The following SCAPER variants were observed in gnomAD, a reference collection of about 807,000 sequenced individuals.
SCAPER encodes the protein S-phase cyclin A associated protein in the ER, also known as S phase cyclin A-associated protein in the endoplasmic reticulum.
In SCAPER, 98 loss-of-function variants were observed where a neutral mutation model predicts 182.2. The ratio of observed to expected loss-of-function variants is 0.54; its 90% CI spans 0.46 to 0.64. SCAPER has a LOEUF of 0.64. SCAPER is among the 30% of genes least tolerant of loss of function. The pLI is 0.00. For missense variants in SCAPER, 1,432 were observed against 1,690.0 expected, an observed-to-expected ratio of 0.85 and a Z score of 2.68; for synonymous variants, 605 against 564.6, an observed-to-expected ratio of 1.07 and a Z score of -1.01.
intron 21 of SCAPER, among the ~76,000 whole-genome samples, chr15:76,637,785 T>C (rs1009564818): frequency 2.7e-5 from 4 of 146,144 alleles, no homozygotes; most frequent in Non-Finnish European, 3.0e-5. Context: ...TGTGTGTGTG[T>C]GTGTGTGTGT....
intron 23 of SCAPER, among the ~76,000 whole-genome samples, chr15:76,562,482 C>T (rs1406179907): frequency 6.6e-6 from 1 of 152,058 alleles, no homozygotes; most frequent in Admixed American, 6.6e-5. Context: ...AGGCATGTCA[C>T]AAAAGAAGAA....
At chr15:76,653,060 G>C (rs1246052598) in intron 21 of SCAPER, among the ~76,000 whole-genome samples, 5 of 152,124 alleles carry the variant, frequency 3.3e-5, no homozygotes, top group Non-Finnish European at 7.3e-5. Context: ...GAAATCAGTA[G>C]CATTGCTAAC....
intron 1 of SCAPER, among the ~76,000 whole-genome samples, chr15:76,891,958 C>T (rs541742100): frequency 1.2e-4 from 19 of 152,190 alleles, no homozygotes; most frequent in South Asian, 4.1e-4. Flanking sequence ...CAAAACAGCA[C>T]GGTACTGGTA....
intron 23 of SCAPER, among the ~76,000 whole-genome samples, chr15:76,573,741 T>G (rs758705361): frequency 2.6e-5 from 4 of 152,172 alleles, no homozygotes; most frequent in Non-Finnish European, 5.9e-5. Flanking sequence ...TTAATGATTC[T>G]AAGTCATTAA....
intron 21 of SCAPER, among the ~76,000 whole-genome samples, chr15:76,622,764 C>A (rs1049847873): frequency 2.6e-4 from 39 of 152,170 alleles, no homozygotes; most frequent in African/African-American, 9.2e-4. Context: ...GGCTGCTGTA[C>A]ATTCAATAAT....
intron 24 of SCAPER, among the ~76,000 whole-genome samples, chr15:76,487,322 G>C (rs988073803): frequency 1.1e-5 from 1 of 95,134 alleles, no homozygotes; most frequent in Non-Finnish European, 1.9e-5. Context: ...ATGTTCCCCT[G>C]AACTTAAAAG....
intron 27 of SCAPER, among the ~76,000 whole-genome samples, chr15:76,396,396 C>G (rs2044060090): frequency 6.6e-6 from 1 of 152,134 alleles, no homozygotes; most frequent in Admixed American, 6.5e-5. Flanking sequence ...TGCATGGACT[C>G]TGACGATTGC....
At chr15:76,527,827 AT>A (rs1365739316) in intron 23 of SCAPER, among the ~76,000 whole-genome samples, 1 of 152,126 alleles carries the variant, frequency 6.6e-6, no homozygotes, top group Non-Finnish European at 1.5e-5. Flanking sequence ...TCTGTTTAAA[AT>A]TTTTTTATTT....
At chr15:76,562,148 CAAAAAAA>C (rs66722088) in intron 23 of SCAPER, among the ~76,000 whole-genome samples, 3 of 74,030 alleles carry the variant, frequency 4.1e-5, no homozygotes, top group African/African-American at 5.2e-5. Context: ...AACTTCATCT[CAAAAAAA>C]AAAAAAAAAA....
chr15:76,463,979 C>T (rs1235136547), intron 25 of SCAPER, among the ~76,000 whole-genome samples: 1 of 146,944 alleles, frequency 6.8e-6, no homozygotes. Flanking sequence ...CATCTATTTT[C>T]ACAGCACTCA....
At chr15:76,774,802 T>C in intron 9 of SCAPER, 53 bp downstream of exon 9, 2 of 1,531,080 alleles carry the variant, frequency 1.3e-6, no homozygotes, top group South Asian at 1.3e-5. Context: ...CCAGTACACA[T>C]GTACACATAC....
At chr15:76,471,512 TTTCACCCAAAGCCCAGTG>T (rs1203093584) in intron 24 of SCAPER, among the ~76,000 whole-genome samples, 177 bp from the exon 25 acceptor site, 4 of 152,154 alleles carry the variant, frequency 2.6e-5, no homozygotes, top group African/African-American at 9.7e-5. Context: ...AGCTTATAAT[TTTCACCCAAAGCCCAGTG>T]TTCACTGGTA....
rs116352355 is a variant in SCAPER, at chr15:76,736,379, C to T, written c.1867-2995G>A. 5.4e-3 allele frequency among the ~76,000 whole-genome samples: 819 copies of T among 152,192 alleles called. 6 individuals carry two copies. Among genetic ancestry groups the T allele is most frequent in the African/African-American group, 0.019 (792 of 41,510 alleles). On this transcript the variant is annotated intron_variant, in intron 15 of 31. Coordinates refer to ENST00000563290, the MANE Select transcript of SCAPER (RefSeq NM_020843.4). ...GCAATTTCTTAAAATAGGACAACAA[C>T]GAAGTTTGCCACATTGATGGACTCT...
chr15:76,565,814 C>A (rs2046995261), intron 23 of SCAPER, among the ~76,000 whole-genome samples: 1 of 152,086 alleles, frequency 6.6e-6, no homozygotes, highest in African/African-American at 2.4e-5. Context: ...GGGAAGCTAG[C>A]TGAAAAACGT....
chr15:76,503,348 G>A (rs2041307081), intron 24 of SCAPER, among the ~76,000 whole-genome samples: 1 of 152,136 alleles, frequency 6.6e-6, no homozygotes, highest in Non-Finnish European at 1.5e-5. Flanking sequence ...CACTATGCAT[G>A]CTATAACTTG....
At chr15:76,835,917 C>T (rs975673136) in intron 5 of SCAPER, among the ~76,000 whole-genome samples, 1 of 142,774 alleles carries the variant, frequency 7.0e-6, no homozygotes, top group Non-Finnish European at 1.5e-5. Flanking sequence ...GAACACATTT[C>T]CATTCACATT....
At chr15:76,750,758 T>A (rs1440216282) in intron 15 of SCAPER, among the ~76,000 whole-genome samples, 1 of 151,830 alleles carries the variant, frequency 6.6e-6, no homozygotes, top group Non-Finnish European at 1.5e-5. Flanking sequence ...TCAAAAGCTA[T>A]GTATGAAAAA....
chr15:76,900,419 T>C (rs1348290806), intron 1 of SCAPER, among the ~76,000 whole-genome samples: 2 of 149,874 alleles, frequency 1.3e-5, no homozygotes, highest in Non-Finnish European at 3.0e-5. Context: ...TGGCAAAATA[T>C]TGACAGTGGT....
intron 24 of SCAPER, among the ~76,000 whole-genome samples, chr15:76,489,732 T>C (rs1301156541): frequency 1.3e-5 from 2 of 152,226 alleles, no homozygotes; most frequent in East Asian, 3.8e-4. Context: ...TGTTGTAAAA[T>C]ACATCTCTAG....
Sources: allele counts gnomAD v4.1 joint callset (sites outside exome capture counted in the v4.1 genomes callset), GRCh38; gene constraint gnomAD v4.1.1; transcripts MANE v1.5; gene names NCBI Gene and HGNC (gene_info 2026-07-23, HGNC 2026-07-21).